PACSIN2: variants seen among roughly 807,000 people sequenced by gnomAD.
The protein encoded by PACSIN2 is protein kinase C and casein kinase substrate in neurons 2.
Under a neutral mutation model 63.8 loss-of-function variants are expected in PACSIN2, and 25 were observed. The observed-to-expected ratio is 0.39, with a 90% CI of 0.29 to 0.55. PACSIN2 has a LOEUF of 0.55. Among genes scored for constraint, PACSIN2 ranks in the 20% least tolerant of loss-of-function variants. The pLI is 0.62. For missense variants in PACSIN2, 518 were observed against 646.9 expected (o/e 0.80, Z 2.16); for synonymous variants, 255 against 256.2 (o/e 1.00, Z 0.05).
chr22:42,989,579 G>A (rs1271220965), intron 1 of PACSIN2, among the ~76,000 whole-genome samples: 4 of 150,112 alleles, frequency 2.7e-5, no homozygotes, highest in East Asian at 2.0e-4. Flanking sequence ...GGTGGATCAC[G>A]AGGTCACGAG....
chr22:42,876,330 C>A lies in PACSIN2; in HGVS notation c.1155G>T (p.Val385=). ...SEKDDTKAKN[V]SSYEKTQSYP... is the part of the protein sequence containing the mutation. Reference sequence around the variant, plus strand: ...AGCTCTGGGTCTTCTCGTAGCTGCTCACACTGCAAGAAAGGGGAGGCCACA... The same window carrying A: ...AGCTCTGGGTCTTCTCGTAGCTGCTAACACTGCAAGAAAGGGGAGGCCACA... The change falls in exon 10 of 11, where the codon GTG becomes GTT. Residue 385 remains valine (V), a synonymous_variant. Coordinates refer to ENST00000263246, the MANE Select transcript of PACSIN2 (RefSeq NM_001184970.3). 1 of 1,613,214 alleles carries A rather than the reference C, an allele frequency of 6.2e-7. No homozygotes were observed. Among genetic ancestry groups the A allele is most frequent in the Non-Finnish European group, 8.5e-7 (1 of 1,179,216 alleles).
At chr22:42,934,985 G>A (rs982410338) in intron 1 of PACSIN2, among the ~76,000 whole-genome samples, 9 of 151,274 alleles carry the variant, frequency 5.9e-5, no homozygotes, top group Non-Finnish European at 8.8e-5. Flanking sequence ...GCGCAATCTC[G>A]GCTCACTGCA....
chr22:42,883,896 C>T (rs1224954148), intron 6 of PACSIN2, among the ~76,000 whole-genome samples: 1 of 151,980 alleles, frequency 6.6e-6, no homozygotes, highest in Non-Finnish European at 1.5e-5. Flanking sequence ...CCCAGCTACT[C>T]GGGAGGCTGA....
chr22:42,896,818 C>T (rs1930320963), intron 2 of PACSIN2, among the ~76,000 whole-genome samples: 1 of 152,212 alleles, frequency 6.6e-6, no homozygotes, highest in African/African-American at 2.4e-5. Flanking sequence ...TTTAGCCATT[C>T]TACTTAGTGT....
chr22:43,005,874 T>A (rs916344220), intron 1 of PACSIN2, among the ~76,000 whole-genome samples: 1 of 152,068 alleles, frequency 6.6e-6, no homozygotes, highest in Non-Finnish European at 1.5e-5. Context: ...ATTCTACCCC[T>A]CAGTTTGATG....
At chr22:42,974,302 TAGC>T (rs2146873543) in intron 1 of PACSIN2, among the ~76,000 whole-genome samples, 1 of 152,238 alleles carries the variant, frequency 6.6e-6, no homozygotes, top group East Asian at 1.9e-4. Context: ...GAGCACCAAA[TAGC>T]AGGTGCCATA....
intron 2 of PACSIN2, among the ~76,000 whole-genome samples, chr22:42,907,844 A>T (rs1352677154): frequency 1.3e-5 from 2 of 152,208 alleles, no homozygotes; most frequent in Non-Finnish European, 2.9e-5. Flanking sequence ...TAGAATTGGT[A>T]TGGAAGGATG....
intron 1 of PACSIN2, among the ~76,000 whole-genome samples, chr22:42,958,080 C>T (rs894932475): frequency 6.6e-6 from 1 of 151,140 alleles, no homozygotes; most frequent in African/African-American, 2.4e-5. Context: ...CAAATATGAA[C>T]GGACTCATCA....
intron 2 of PACSIN2, among the ~76,000 whole-genome samples, chr22:42,903,691 G>T (rs1188988467): frequency 6.6e-6 from 1 of 152,142 alleles, no homozygotes. Context: ...CTCGCCATCT[G>T]CAAATGAGGT....
chr22:42,910,601 A>G (rs1601504740), intron 2 of PACSIN2, among the ~76,000 whole-genome samples: 1 of 151,906 alleles, frequency 6.6e-6, no homozygotes, highest in Admixed American at 6.6e-5. Context: ...TTCACGGCCA[A>G]CCTCCTGCCA....
intron 2 of PACSIN2, among the ~76,000 whole-genome samples, chr22:42,895,673 C>T (rs1391999755): frequency 2.0e-5 from 3 of 152,198 alleles, no homozygotes; most frequent in East Asian, 1.9e-4. Context: ...AGAGTGTTTC[C>T]GTAAGTACAC....
intron 1 of PACSIN2, among the ~76,000 whole-genome samples, chr22:42,951,819 T>C (rs187651335): frequency 2.4e-4 from 36 of 152,258 alleles, no homozygotes; most frequent in Non-Finnish European, 1.5e-5. Flanking sequence ...CATGTGATTC[T>C]AGCCCCTGCT....
chr22:42,893,330 G>A lies in PACSIN2; in HGVS notation c.217+127C>T, dbSNP rs531737526. On this transcript the variant is annotated intron_variant, in intron 3 of 10. Coordinates refer to ENST00000263246, the MANE Select transcript of PACSIN2 (RefSeq NM_001184970.3). ...AAAATCACACCCCGCTCTGGAACTG[G>A]GAAATGCACTCTTGCCCCAATCTTA... 5 of 960,682 alleles carry A rather than the reference G, an allele frequency of 5.2e-6. No homozygotes were observed. The African/African-American group carries it at 6.5e-5, about 12-fold the overall frequency. 59.5% of individuals were successfully genotyped at this position (960,682 alleles called of 1,614,324 possible).
intron 1 of PACSIN2, among the ~76,000 whole-genome samples, chr22:42,930,718 T>G (rs1932765177): frequency 6.6e-6 from 1 of 152,206 alleles, no homozygotes; most frequent in Non-Finnish European, 1.5e-5. Context: ...GTTTAAGAAT[T>G]AAAAAATGAA....
At chr22:42,892,837 A>T (rs749572490) in intron 3 of PACSIN2, among the ~76,000 whole-genome samples, 2 of 152,020 alleles carry the variant, frequency 1.3e-5, no homozygotes, top group Non-Finnish European at 2.9e-5. Flanking sequence ...AGAAACCCAC[A>T]CTGCTCTGCT....
chr22:42,874,363 AAAG>A (rs1416172692), intron 10 of PACSIN2, among the ~76,000 whole-genome samples: 2 of 152,054 alleles, frequency 1.3e-5, no homozygotes, highest in African/African-American at 2.4e-5. Context: ...AAGACCATTC[AAAG>A]AAGAAAAAGA....
At chr22:42,976,462 C>CTGGGGGGTTCACA (rs56276598) in intron 1 of PACSIN2, among the ~76,000 whole-genome samples, 1 of 151,910 alleles carries the variant, frequency 6.6e-6, no homozygotes, top group African/African-American at 2.4e-5. Flanking sequence ...ACAGGATCAT[C>CTGGGGGGTTCACA]GATTTGAGGC....
intron 2 of PACSIN2, among the ~76,000 whole-genome samples, chr22:42,910,069 A>G (rs1240917087): frequency 6.6e-6 from 1 of 152,226 alleles, no homozygotes; most frequent in East Asian, 1.9e-4. Flanking sequence ...GCAAAGAAAA[A>G]TCAGTAACTT....
At chr22:42,989,820 G>GAA (rs1004840932) in intron 1 of PACSIN2, among the ~76,000 whole-genome samples, 1 of 90,642 alleles carries the variant, frequency 1.1e-5, no homozygotes, top group African/African-American at 4.1e-5. Flanking sequence ...AAACAAGAAA[G>GAA]AAAAAAAAAA....
Sources: allele counts gnomAD v4.1 joint callset (sites outside exome capture counted in the v4.1 genomes callset), GRCh38; gene constraint gnomAD v4.1.1; transcripts MANE v1.5; gene names NCBI Gene and HGNC (gene_info 2026-07-23, HGNC 2026-07-21).